The following GOLGB1 variants were observed in gnomAD, a reference collection of about 807,000 sequenced individuals.
GOLGB1 encodes the protein golgin subfamily B member 1.
In GOLGB1, 174 loss-of-function variants were observed where a neutral mutation model predicts 336.9. The ratio of observed to expected loss-of-function variants is 0.52; its 90% CI spans 0.46 to 0.59. The LOEUF (loss-of-function observed/expected upper bound fraction) is 0.59. Among genes scored for constraint, GOLGB1 ranks in the 20% least tolerant of loss-of-function variants. The pLI is 0.00. For synonymous variants in GOLGB1, 1,208 were observed against 1,289.2 expected, an observed-to-expected ratio of 0.94 and a Z score of 1.35; for missense variants, 3,331 against 3,645.3, an observed-to-expected ratio of 0.91 and a Z score of 2.22.
intron 4 of GOLGB1, among the ~76,000 whole-genome samples, chr3:121,728,478 T>C (rs1560310304): frequency 6.6e-6 from 1 of 152,222 alleles, no homozygotes; most frequent in Non-Finnish European, 1.5e-5. Context: ...TGCCTCCATA[T>C]AATCTGTATC....
rs137857515 is a variant in GOLGB1, at chr3:121,686,521, T to A, written c.8694+4149A>T. On this transcript the variant is annotated intron_variant, in intron 14 of 21. Transcript: ENST00000614479. ...ATTTTCAGAATGAGGAGAGTATAGATAAATACAGGCACCCCTAGAGATATG... is the reference window on the plus strand; with the variant it reads ...ATTTTCAGAATGAGGAGAGTATAGAAAAATACAGGCACCCCTAGAGATATG... 2.0e-5 allele frequency among the ~76,000 whole-genome samples: 3 copies of A among 152,320 alleles called. No individual in the cohort carries two copies. In the East Asian group the frequency reaches 5.8e-4, roughly 29 times the overall value.
At position 121,702,463 on chromosome 3, in the gene GOLGB1, GTTTTC is replaced by G; in HGVS notation, c.1519+13_1519+17del. The G allele has an allele frequency of 8.6e-7, 1 of 1,167,588 alleles. No individual in the cohort carries two copies. The highest frequency in any genetic ancestry group is 2.8e-5 in the East Asian group (1 of 35,894). 72.3% of individuals were successfully genotyped at this position (1,167,588 alleles called of 1,614,324 possible). Reference sequence around the variant, plus strand: ...TGGGATAAGAAGACAGAGAATTATGGTTTTCTTTTATACATACCATTCTCAGCTTT... The same window carrying G: ...TGGGATAAGAAGACAGAGAATTATGGTTTTATACATACCATTCTCAGCTTT... On this transcript the variant is annotated intron_variant, in intron 11 of 21. Transcript: ENST00000614479.
intron 15 of GOLGB1, among the ~76,000 whole-genome samples, chr3:121,678,832 G>A (rs1334270344): frequency 6.6e-6 from 1 of 152,136 alleles, no homozygotes; most frequent in Non-Finnish European, 1.5e-5. Flanking sequence ...GATTACAGGT[G>A]TGAGCCACCG....
Position 121,683,053 on chromosome 3 carries a change from A to ATTTTTTTTTTTTTTTTTTTTT in GOLGB1, c.8695-1209_8695-1189dup, listed in dbSNP as rs746649684. 1.6e-3 allele frequency among the ~76,000 whole-genome samples: 129 copies of ATTTTTTTTTTTTTTTTTTTTT among 82,492 alleles called. 13 individuals are homozygous for ATTTTTTTTTTTTTTTTTTTTT. The highest frequency in any genetic ancestry group is 2.1e-3 in the Non-Finnish European group (88 of 41,530). 54.1% of individuals were successfully genotyped at this position (82,492 alleles called of 152,430 possible). A position where few individuals can be genotyped will look rare whatever the true frequency, so the allele number is the denominator to read the frequency against. On this transcript the variant is annotated intron_variant, in intron 14 of 21. Transcript: ENST00000614479. ...GCTGCTTAAGAAGCAATTTCTTTTA[A>ATTTTTTTTTTTTTTTTTTTTT]TTTTTTTTTTTTTTTTTTTTTTTTT...
Position 121,664,960 on chromosome 3 carries a change from A to C in GOLGB1, c.9626T>G (p.Leu3209Arg), listed in dbSNP as rs763348140. ...ACTGTTGCTTGTAAGATCTATTAAC[A>C]GTGCCTGCTCCTGAGTGCCACAGGA... ...IGSCGTQEQA[L>R]LIDLTSNSCR... Residue 3209 changes from leucine to arginine, a missense_variant, in exon 21 of 22, where the codon CTG (leucine) becomes CGG (arginine). Transcript: ENST00000614479. The C allele has an allele frequency of 5.6e-5, 90 of 1,608,602 alleles. No homozygotes were observed. The highest frequency in any genetic ancestry group is 7.2e-5 in the Non-Finnish European group (85 of 1,175,106).
chr3:121,717,225 GA>G, intron 8 of GOLGB1, 86 bp from the exon 9 acceptor site: 8 of 1,003,380 alleles, frequency 8.0e-6, no homozygotes, highest in East Asian at 2.5e-5. Flanking sequence ...TTATAGGATG[GA>G]AAAAAATGGG....
At position 121,664,345 on chromosome 3, in the gene GOLGB1, G is replaced by A. The variant is rs1433627782; in HGVS notation, c.*135C>T. On this transcript the variant is annotated 3_prime_UTR_variant, in exon 22 of 22. Transcript: ENST00000614479. ...TGTCCTCGTATCCACCTCTGTTTTT[G>A]CAGGCACTTTCCGTGAAGAGTTGGA... The A allele has an allele frequency of 3.8e-6, 3 of 798,340 alleles. No homozygotes were observed. Among genetic ancestry groups the A allele is most frequent in the African/African-American group, 1.7e-5 (1 of 57,566 alleles). The allele number at this position is 798,340 out of a possible 1,614,324, so 49.5% of individuals were successfully genotyped here.
intron 10 of GOLGB1, among the ~76,000 whole-genome samples, chr3:121,705,941 T>C (rs1943780199): frequency 1.3e-5 from 2 of 151,846 alleles, no homozygotes; most frequent in South Asian, 4.2e-4. Context: ...TCCTAACAAA[T>C]CAAAGCAGCA....
intron 1 of GOLGB1, among the ~76,000 whole-genome samples, chr3:121,745,910 T>C (rs1430518916): frequency 2.0e-5 from 3 of 152,184 alleles, no homozygotes; most frequent in African/African-American, 7.2e-5. Context: ...TGATTATTCT[T>C]ATAACAACCA....
At position 121,729,346 on chromosome 3, in the gene GOLGB1, C is replaced by G; in HGVS notation, c.250-6G>C. 2 of 1,606,716 alleles carry G rather than the reference C, an allele frequency of 1.2e-6. No individual in the cohort carries two copies. The highest frequency in any genetic ancestry group is 1.7e-6 in the Non-Finnish European group (2 of 1,175,214). On this transcript the variant is annotated splice_region_variant and splice_polypyrimidine_tract_variant and intron_variant, in intron 3 of 21. Transcript: ENST00000614479. ...TCAGCAGCTTTTCTCTCTTCCTGCC[C>G]AAAAACAATGATGGTAAATACATAA...
chr3:121,730,315 A>G (rs1334391065), intron 2 of GOLGB1: 1 of 254,226 alleles, frequency 3.9e-6, no homozygotes, highest in Non-Finnish European at 7.5e-6. Context: ...GCCAAAAGTT[A>G]AAATTAAGAG....
chr3:121,680,761 T>C (rs932753509), intron 15 of GOLGB1, among the ~76,000 whole-genome samples: 1 of 152,102 alleles, frequency 6.6e-6, no homozygotes, highest in African/African-American at 2.4e-5. Flanking sequence ...AAACACAGAA[T>C]GCATACCTAT....
Position 121,691,298 on chromosome 3 carries a change from A to C in GOLGB1, c.8066T>G (p.Leu2689Ter), listed in dbSNP as rs2107780495. 4 of 1,613,112 alleles carry C rather than the reference A, an allele frequency of 2.5e-6. No individual in the cohort carries two copies. Among genetic ancestry groups the C allele is most frequent in the Non-Finnish European group, 3.4e-6 (4 of 1,179,772 alleles). ...CCCTGCATCATGATGAAGATGCTTTAATTCTTTCTTCAGTTTATCTTCAAT... is the reference window on the plus strand; with the variant it reads ...CCCTGCATCATGATGAAGATGCTTTCATTCTTTCTTCAGTTTATCTTCAAT... ...GEIEDKLKKE[L>*]KHLHHDAGIM... The change falls in exon 14 of 22, where the codon TTA (leucine) becomes TGA (stop). Residue 2689 changes from leucine (L) to a stop codon, truncating the protein, a stop_gained. Coordinates refer to ENST00000614479, the MANE Select transcript of GOLGB1 (RefSeq NM_001366282.2). LOFTEE classifies it high-confidence loss of function.
rs1945008954 is a variant in GOLGB1, at chr3:121,719,373, A to G, written c.771+273T>C. Among the ~76,000 whole-genome samples, 3 of 152,244 alleles carry G rather than the reference A, an allele frequency of 2.0e-5. No individual in the cohort carries two copies. The South Asian group carries it at 6.2e-4, about 32-fold the overall frequency. ...ATGCACAAAGGTAGCTATAATCAGA[A>G]AACTGAAGAGAAACCAATTTTTGAC... On this transcript the variant is annotated intron_variant, in intron 7 of 21. Coordinates refer to ENST00000614479, the MANE Select transcript of GOLGB1 (RefSeq NM_001366282.2).
chr3:121,732,212 G>A (rs559204722), intron 1 of GOLGB1, among the ~76,000 whole-genome samples: 8 of 152,202 alleles, frequency 5.3e-5, no homozygotes, highest in Admixed American at 3.9e-4. Flanking sequence ...ATATAAATAT[G>A]AAATTGAATT....
At chr3:121,679,772 A>G (rs915572785) in intron 15 of GOLGB1, among the ~76,000 whole-genome samples, 5 of 152,186 alleles carry the variant, frequency 3.3e-5, no homozygotes, top group African/African-American at 1.2e-4. Context: ...AGTGCTAAGA[A>G]GGTGCCTCTC....
chr3:121,736,182 A>G (rs889429051), intron 1 of GOLGB1, among the ~76,000 whole-genome samples: 3 of 152,246 alleles, frequency 2.0e-5, no homozygotes, highest in African/African-American at 7.2e-5. Flanking sequence ...AGAATTCCAA[A>G]TAATTTATGT....
intron 15 of GOLGB1, among the ~76,000 whole-genome samples, chr3:121,678,841 C>T (rs545826920): frequency 5.3e-5 from 8 of 152,170 alleles, no homozygotes; most frequent in Admixed American, 1.3e-4. Flanking sequence ...TGTGAGCCAC[C>T]GCACCCAGCC....
rs747646133 is a variant in GOLGB1, at chr3:121,677,003, C to A, written c.9067G>T (p.Asp3023Tyr). Residue 3023 changes from aspartate to tyrosine, a missense_variant, in exon 17 of 22, where the codon GAT becomes TAT. Coordinates refer to ENST00000614479, the MANE Select transcript of GOLGB1 (RefSeq NM_001366282.2). Reference sequence around the variant, plus strand: ...TCATAAACCAGATTTTGTGACCCATCTGGGGAAGCTGATGTCTCTGGGGAT... The same window carrying A: ...TCATAAACCAGATTTTGTGACCCATATGGGGAAGCTGATGTCTCTGGGGAT... ...QASPETSASP[D>Y]GSQNLVYETE... 35 of 1,613,838 alleles carry A rather than the reference C, an allele frequency of 2.2e-5. No homozygotes were observed. The highest frequency in any genetic ancestry group is 2.9e-5 in the Non-Finnish European group (34 of 1,179,910).
Sources: allele counts gnomAD v4.1 joint callset (sites outside exome capture counted in the v4.1 genomes callset), GRCh38; gene constraint gnomAD v4.1.1; transcripts MANE v1.5; gene names NCBI Gene and HGNC (gene_info 2026-07-23, HGNC 2026-07-21).